Variants in MTUS1 observed in about 807,000 individuals in gnomAD.
MTUS1 encodes the protein microtubule associated scaffold protein 1.
Under a neutral mutation model 120.8 loss-of-function variants are expected in MTUS1, and 109 were observed. The observed-to-expected ratio is 0.90, with a 90% confidence interval of 0.77 to 1.06. MTUS1 has a LOEUF of 1.06. Among genes scored for constraint, MTUS1 ranks in the 50% least tolerant of loss-of-function variants. The probability of loss-of-function intolerance (pLI) is 0.00; values close to 1 mark genes in which losing one functional copy is unlikely to be tolerated. For missense variants in MTUS1, 2,210 were observed against 1,486.3 expected, an observed-to-expected ratio of 1.49 and a Z score of -8.01; for synonymous variants, 737 against 550.5, an observed-to-expected ratio of 1.34 and a Z score of -4.74.
chr8:17,649,208 C>G (rs1806463902), intron 13 of MTUS1, among the ~76,000 whole-genome samples: 1 of 152,058 alleles, frequency 6.6e-6, no homozygotes, highest in Non-Finnish European at 1.5e-5. Flanking sequence ...AGGCACCCAC[C>G]ACCACACCCG....
At chr8:17,718,153 A>G (rs1822689474) in intron 4 of MTUS1, among the ~76,000 whole-genome samples, 1 of 152,156 alleles carries the variant, frequency 6.6e-6, no homozygotes, top group South Asian at 2.1e-4. Flanking sequence ...CCCCAACTTG[A>G]AGGATGTATA....
intron 8 of MTUS1, among the ~76,000 whole-genome samples, chr8:17,663,349 C>T (rs889818835): frequency 6.6e-6 from 1 of 152,208 alleles, no homozygotes; most frequent in African/African-American, 2.4e-5. Flanking sequence ...CAGAGAAAAG[C>T]ATTACACAGC....
intron 3 of MTUS1, chr8:17,724,141 G>A (rs565976666): frequency 9.0e-5 from 46 of 508,700 alleles, no homozygotes; most frequent in African/African-American, 8.5e-4. Flanking sequence ...GAATAATCAT[G>A]AGAAAGCAGC....
intron 1 of MTUS1, among the ~76,000 whole-genome samples, chr8:17,797,642 G>A (rs2052352035): frequency 6.6e-6 from 1 of 152,062 alleles, no homozygotes; most frequent in South Asian, 2.1e-4. Flanking sequence ...AGTCACCACT[G>A]TATCCGCTGC....
chr8:17,712,542 T>C (rs989337364), intron 6 of MTUS1, among the ~76,000 whole-genome samples: 1 of 152,096 alleles, frequency 6.6e-6, no homozygotes, highest in Non-Finnish European at 1.5e-5. Context: ...TTTCACCATG[T>C]TGGCCAGGCT....
chr8:17,738,988 T>C (rs2131233113), intron 3 of MTUS1, among the ~76,000 whole-genome samples: 1 of 150,728 alleles, frequency 6.6e-6, no homozygotes, highest in East Asian at 2.0e-4. Flanking sequence ...CAAAAATATA[T>C]AAAAATCAGC....
intron 1 of MTUS1, among the ~76,000 whole-genome samples, chr8:17,770,991 A>C (rs1353781367): frequency 6.6e-6 from 1 of 152,182 alleles, no homozygotes; most frequent in Non-Finnish European, 1.5e-5. Context: ...AATGAAAAAG[A>C]AAAAAAGTTT....
intron 6 of MTUS1, among the ~76,000 whole-genome samples, chr8:17,694,706 G>C (rs1053236383): frequency 2.0e-5 from 3 of 151,954 alleles, no homozygotes; most frequent in African/African-American, 4.8e-5. Flanking sequence ...CCAAAGGTGG[G>C]GTTTGATGAC....
chr8:17,785,581 C>G (rs1488415838), intron 1 of MTUS1, among the ~76,000 whole-genome samples: 3 of 152,214 alleles, frequency 2.0e-5, no homozygotes, highest in African/African-American at 7.2e-5. Context: ...GGGTACAAAA[C>G]TGCAGCATAA....
intron 6 of MTUS1, among the ~76,000 whole-genome samples, chr8:17,691,645 C>A (rs1271608743): frequency 1.3e-5 from 2 of 151,914 alleles, no homozygotes; most frequent in Non-Finnish European, 2.9e-5. Flanking sequence ...CTTTTGATTT[C>A]TTCTACATTC....
intron 4 of MTUS1, among the ~76,000 whole-genome samples, chr8:17,719,632 A>G (rs1275346832): frequency 6.6e-6 from 1 of 152,122 alleles, no homozygotes. Flanking sequence ...GACAGACATC[A>G]CGACTTGAAC....
intron 8 of MTUS1, among the ~76,000 whole-genome samples, chr8:17,668,772 C>T (rs1811428353): frequency 6.6e-6 from 1 of 152,028 alleles, no homozygotes; most frequent in African/African-American, 2.4e-5. Context: ...ATTTCATCAC[C>T]CCGGTACTAA....
chr8:17,686,441 C>T (rs1216937872), intron 6 of MTUS1, among the ~76,000 whole-genome samples: 1 of 152,148 alleles, frequency 6.6e-6, no homozygotes, highest in South Asian at 2.1e-4. Context: ...CAAAAATGTT[C>T]AAATTCTTTC....
At chr8:17,708,214 C>T (rs192164320) in intron 6 of MTUS1, among the ~76,000 whole-genome samples, 8 of 152,264 alleles carry the variant, frequency 5.3e-5, no homozygotes, top group African/African-American at 1.4e-4. Flanking sequence ...ATAACTCTGA[C>T]AAGGGTCTAA....
chr8:17,795,991 C>G (rs914489599), intron 1 of MTUS1, among the ~76,000 whole-genome samples: 1 of 151,624 alleles, frequency 6.6e-6, no homozygotes, highest in African/African-American at 2.4e-5. Flanking sequence ...ACTCTGTTGG[C>G]CAGGCTGGAG....
rs1364956145 is a variant in MTUS1 at position 17,743,600 on chromosome 8, T to C, written c.2287+4A>G. The stretch of plus-strand genomic sequence containing the variant: ...CATAAACTATTGAACTATTTTATTC[T>C]TACCAGAACTGGACACACGCCTGAT... On this transcript the variant is annotated splice_donor_region_variant and intron_variant, in intron 3 of 14. Coordinates refer to ENST00000693296, the MANE Select transcript of MTUS1 (RefSeq NM_001363059.2). 2 of 1,610,256 alleles carry C rather than the reference T, an allele frequency of 1.2e-6. No individual in the cohort carries two copies. The highest frequency in any genetic ancestry group is 1.7e-6 in the Non-Finnish European group (2 of 1,178,278).
Position 17,755,505 on chromosome 8 carries a change from A to G in MTUS1, c.303T>C (p.Ser101=). 6.2e-7 allele frequency: 1 copy of G among 1,614,210 alleles called. No homozygotes were observed. The highest frequency in any genetic ancestry group is 8.5e-7 in the Non-Finnish European group (1 of 1,180,018). The change falls in exon 2 of 15, where the codon TCT becomes TCC. Residue 101 remains serine (S), a synonymous_variant. Transcript: ENST00000693296. ...SKQVLDMHKD[S]ICQCPALVGT... ...CTACAAGTGCAGGACACTGACAAAT[A>G]GAATCTTTATGCATATCTAACACCT... is the stretch of plus-strand genomic sequence containing the variant.
At chr8:17,724,374 T>G (rs1039094513) in intron 3 of MTUS1, among the ~76,000 whole-genome samples, 1 of 152,224 alleles carries the variant, frequency 6.6e-6, no homozygotes, top group Admixed American at 6.5e-5. Flanking sequence ...AAAATTCTCC[T>G]GAGTGGAAAA....
At chr8:17,669,496 G>A (rs1811571451) in intron 8 of MTUS1, among the ~76,000 whole-genome samples, 1 of 152,174 alleles carries the variant, frequency 6.6e-6, no homozygotes, top group Admixed American at 6.5e-5. Context: ...GGTGTGCTTA[G>A]TATGTCTGGA....
Sources: allele counts gnomAD v4.1 joint callset (sites outside exome capture counted in the v4.1 genomes callset), GRCh38; gene constraint gnomAD v4.1.1; transcripts MANE v1.5; gene names NCBI Gene and HGNC (gene_info 2026-07-23, HGNC 2026-07-21).